Variants in CSMD1 observed in about 807,000 individuals in gnomAD.
CSMD1 encodes CUB and Sushi multiple domains 1.
A neutral mutation model predicts 417.5 loss-of-function variants in CSMD1; 213 were observed. That is an observed-to-expected ratio of 0.51 (90% CI 0.46 to 0.57). CSMD1 has a LOEUF of 0.57. CSMD1 is among the 20% of genes least tolerant of loss of function. CSMD1 has a pLI of 0.00. For synonymous variants in CSMD1, 2,862 were observed against 1,736.8 expected, an observed-to-expected ratio of 1.65 and a Z score of -16.11; for missense variants, 6,923 against 4,529.7, an observed-to-expected ratio of 1.53 and a Z score of -15.17.
intron 49 of CSMD1, among the ~76,000 whole-genome samples, chr8:3,077,982 C>T (rs1208004987): frequency 6.6e-6 from 1 of 152,210 alleles, no homozygotes; most frequent in South Asian, 2.1e-4. Flanking sequence ...CCATTTGCCT[C>T]CGTTTCCTTT....
chr8:3,267,828 G>A (rs190500728), intron 26 of CSMD1, among the ~76,000 whole-genome samples: 27 of 152,270 alleles, frequency 1.8e-4, no homozygotes, highest in East Asian at 1.7e-3. Flanking sequence ...ACCCAGCTGG[G>A]CCAACCATTG....
intron 1 of CSMD1, among the ~76,000 whole-genome samples, chr8:4,825,327 A>C (rs948272690): frequency 1.3e-5 from 2 of 152,062 alleles, no homozygotes; most frequent in Admixed American, 6.6e-5. Context: ...TATCCTGCAC[A>C]GATATTTTCT....
intron 1 of CSMD1, among the ~76,000 whole-genome samples, chr8:4,845,899 A>G (rs898478416): frequency 1.3e-5 from 2 of 152,200 alleles, no homozygotes; most frequent in African/African-American, 4.8e-5. Flanking sequence ...TGGCTAACTA[A>G]AATGACAAGG....
intron 5 of CSMD1, among the ~76,000 whole-genome samples, chr8:3,808,949 C>A (rs1000823074): frequency 9.2e-5 from 14 of 152,070 alleles, no homozygotes. Flanking sequence ...GTAGAGGGGT[C>A]GTTTGCAAGA....
At chr8:4,367,313 G>A (rs554790319) in intron 3 of CSMD1, among the ~76,000 whole-genome samples, 4 of 152,090 alleles carry the variant, frequency 2.6e-5, no homozygotes, top group South Asian at 2.1e-4. Flanking sequence ...TTTTAAATAG[G>A]GAGTCCTTTC....
intron 5 of CSMD1, among the ~76,000 whole-genome samples, chr8:3,922,168 T>C (rs1809322991): frequency 6.6e-6 from 1 of 152,114 alleles, no homozygotes; most frequent in Admixed American, 6.6e-5. Flanking sequence ...CTAATGTCTA[T>C]TTTGTATTAT....
At chr8:4,081,781 C>A (rs1336939171) in intron 3 of CSMD1, among the ~76,000 whole-genome samples, 4 of 151,952 alleles carry the variant, frequency 2.6e-5, no homozygotes, top group African/African-American at 9.7e-5. Flanking sequence ...GGAAACCAAG[C>A]AAAACACTTG....
At chr8:3,508,885 G>A (rs911163774) in intron 10 of CSMD1, among the ~76,000 whole-genome samples, 4 of 152,172 alleles carry the variant, frequency 2.6e-5, no homozygotes, top group African/African-American at 9.7e-5. Context: ...TTAGAGCCAT[G>A]AGACAGGAAT....
chr8:4,049,118 T>C (rs913852757), intron 3 of CSMD1, among the ~76,000 whole-genome samples: 5 of 152,300 alleles, frequency 3.3e-5, no homozygotes, highest in African/African-American at 1.2e-4. Flanking sequence ...CACATTCTTT[T>C]ATTTTTACAG....
At chr8:4,125,111 C>T (rs1211261378) in intron 3 of CSMD1, among the ~76,000 whole-genome samples, 1 of 69,508 alleles carries the variant, frequency 1.4e-5, no homozygotes, top group African/African-American at 5.3e-5. Flanking sequence ...AGACCAGGAA[C>T]ACTTCCATCG....
intron 1 of CSMD1, among the ~76,000 whole-genome samples, chr8:4,789,014 A>G (rs1013997812): frequency 1.3e-5 from 2 of 152,150 alleles, no homozygotes; most frequent in Admixed American, 1.3e-4. Flanking sequence ...CCTTGAAATC[A>G]GACTACCAGG....
At chr8:3,783,886 G>A (rs549627709) in intron 5 of CSMD1, among the ~76,000 whole-genome samples, 13 of 147,356 alleles carry the variant, frequency 8.8e-5, no homozygotes, top group Non-Finnish European at 1.0e-4. Context: ...ACTAGACTCG[G>A]CCATGGTTGT....
chr8:4,838,061 G>C (rs1800606918), intron 1 of CSMD1, among the ~76,000 whole-genome samples: 1 of 152,156 alleles, frequency 6.6e-6, no homozygotes, highest in African/African-American at 2.4e-5. Flanking sequence ...GGGTGACCAG[G>C]AAGGGACATA....
At chr8:3,567,861 G>C (rs1482509288) in intron 10 of CSMD1, among the ~76,000 whole-genome samples, 1 of 152,016 alleles carries the variant, frequency 6.6e-6, no homozygotes, top group Non-Finnish European at 1.5e-5. Flanking sequence ...TCATTATATA[G>C]TTGGACTCCT....
chr8:4,179,595 T>A (rs78174584), intron 3 of CSMD1, among the ~76,000 whole-genome samples: 44,085 of 149,872 alleles, frequency 0.29, 6,764 homozygotes, highest in South Asian at 0.41. Flanking sequence ...AATTAAACTA[T>A]AGAGCTTCTG....
At chr8:4,803,737 A>T (rs961387805) in intron 1 of CSMD1, among the ~76,000 whole-genome samples, 1 of 152,184 alleles carries the variant, frequency 6.6e-6, no homozygotes, top group African/African-American at 2.4e-5. Flanking sequence ...CTTTTAAAAT[A>T]CTAATATAAT....
chr8:3,965,805 G>C (rs77202130), intron 5 of CSMD1, among the ~76,000 whole-genome samples: 2 of 151,992 alleles, frequency 1.3e-5, no homozygotes, highest in Admixed American at 1.3e-4. Flanking sequence ...CTTTAGTAGA[G>C]ATGGGGTTTC....
At chr8:3,189,078 T>G (rs1386362706) in intron 34 of CSMD1, 67 bp from the exon 35 acceptor site, 35 of 1,459,844 alleles carry the variant, frequency 2.4e-5, no homozygotes, top group Non-Finnish European at 2.4e-5. Flanking sequence ...GCATGCAGTT[T>G]TCTTTCACTG....
intron 52 of CSMD1, among the ~76,000 whole-genome samples, chr8:3,017,468 G>T (rs1808941626): frequency 6.6e-6 from 1 of 152,142 alleles, no homozygotes. Flanking sequence ...ATATATAATT[G>T]TGTTCAATAA....
Sources: gnomAD v4.1 joint callset for allele counts (sites outside exome capture counted in the v4.1 genomes callset) on GRCh38, gnomAD v4.1.1 for gene constraint, MANE v1.5 for transcripts, NCBI Gene and HGNC (gene_info 2026-07-23, HGNC 2026-07-21) for gene names.